The following APBB2 variants were observed in gnomAD, a reference collection of about 807,000 sequenced individuals.
APBB2 encodes amyloid beta precursor protein binding family B member 2.
Under a neutral mutation model 82.5 loss-of-function variants are expected in APBB2, and 38 were observed. That is an observed-to-expected ratio of 0.46 (90% CI 0.36 to 0.60). The LOEUF (loss-of-function observed/expected upper bound fraction) is 0.60. Among genes scored for constraint, APBB2 ranks in the 20% least tolerant of loss-of-function variants. APBB2 has a pLI of 0.00. For synonymous variants in APBB2, 341 were observed against 368.2 expected (o/e 0.93, Z 0.85); for missense variants, 772 against 972.3 (o/e 0.79, Z 2.74).
chr4:41,071,046 C>G (rs1478919733), intron 3 of APBB2, among the ~76,000 whole-genome samples: 1 of 152,210 alleles, frequency 6.6e-6, no homozygotes. Flanking sequence ...TCCTCTCCTA[C>G]AAGTTCTTAC....
chr4:40,934,417 A>C, intron 10 of APBB2, 39 bp downstream of exon 10: 2 of 1,586,644 alleles, frequency 1.3e-6, no homozygotes, highest in Non-Finnish European at 1.7e-6. Flanking sequence ...TTTGGATCTA[A>C]GAATATAACC....
chr4:41,019,538 G>A (rs1810906913), intron 5 of APBB2, among the ~76,000 whole-genome samples: 1 of 152,150 alleles, frequency 6.6e-6, no homozygotes, highest in African/African-American at 2.4e-5. Context: ...GGTGTAGAAG[G>A]AAACTTAAAA....
chr4:41,065,260 G>A (rs917307326), intron 4 of APBB2, among the ~76,000 whole-genome samples: 1 of 152,120 alleles, frequency 6.6e-6, no homozygotes, highest in Non-Finnish European at 1.5e-5. Context: ...ACCCCAGCCT[G>A]GGCAACAGAG....
chr4:40,952,205 A>G (rs958471874), intron 6 of APBB2, among the ~76,000 whole-genome samples: 10 of 142,682 alleles, frequency 7.0e-5, no homozygotes, highest in South Asian at 6.7e-4. Flanking sequence ...AAAAAAAAAA[A>G]AGGACAAAAG....
chr4:40,938,571 A>G (rs1202713247), intron 7 of APBB2, among the ~76,000 whole-genome samples: 1 of 152,332 alleles, frequency 6.6e-6, no homozygotes, highest in African/African-American at 2.4e-5. Flanking sequence ...TTCTTTGACA[A>G]TATCAACAGA....
At chr4:41,198,071 T>C in intron 1 of APBB2, among the ~76,000 whole-genome samples, 3 of 152,054 alleles carry the variant, frequency 2.0e-5, no homozygotes, top group African/African-American at 4.8e-5. Flanking sequence ...GATGTGGAGG[T>C]AGAGAAATAA....
At chr4:41,124,501 C>T (rs1469145727) in intron 2 of APBB2, among the ~76,000 whole-genome samples, 3 of 152,222 alleles carry the variant, frequency 2.0e-5, no homozygotes, top group Admixed American at 6.5e-5. Flanking sequence ...TGAGCCACCG[C>T]GCCTGGCCTC....
intron 1 of APBB2, among the ~76,000 whole-genome samples, chr4:41,207,203 A>C: frequency 6.8e-6 from 1 of 146,974 alleles, no homozygotes; most frequent in Non-Finnish European, 1.5e-5. Context: ...CGTCTCAAAA[A>C]AAAAAAAAAA....
chr4:41,048,638 TCCCTCC>T (rs1409545949), intron 4 of APBB2, among the ~76,000 whole-genome samples: 2 of 144,690 alleles, frequency 1.4e-5, no homozygotes, highest in Non-Finnish European at 3.0e-5. Flanking sequence ...CCTCTCCCTA[TCCCTCC>T]CCCTCCCCCT....
chr4:40,826,033 G>A lies in APBB2; in HGVS notation c.1733-63C>T, dbSNP rs1027289259. On this transcript the variant is annotated intron_variant, in intron 14 of 17. Coordinates refer to ENST00000508593, the MANE Select transcript of APBB2 (RefSeq NM_004307.2). This position sits in a 1 kb window ranked among gnomAD's most constrained non-coding sequence, Gnocchi z 4.5. ...TCCAACACACATGTACACAACAGCC[G>A]TGGCTCTGCATCATCTGAATGCTCA... 2.6e-5 allele frequency: 33 copies of A among 1,293,550 alleles called. No homozygotes were observed. The highest frequency in any genetic ancestry group is 1.6e-4 in the East Asian group (7 of 43,284). The allele number at this position is 1,293,550 out of a possible 1,614,324, so 80.1% of individuals were successfully genotyped here.
At chr4:40,894,234 G>A (rs1164938279) in intron 10 of APBB2, among the ~76,000 whole-genome samples, 1 of 150,004 alleles carries the variant, frequency 6.7e-6, no homozygotes, top group Non-Finnish European at 1.5e-5. Context: ...CTTGCAGTGA[G>A]CCGAGATCGC....
intron 7 of APBB2, among the ~76,000 whole-genome samples, chr4:40,939,633 T>C (rs1191595797): frequency 6.6e-6 from 1 of 151,886 alleles, no homozygotes; most frequent in Non-Finnish European, 1.5e-5. Flanking sequence ...AGGGCCTTGC[T>C]CTGTCACCAA....
chr4:41,053,143 A>G (rs936229698), intron 4 of APBB2, among the ~76,000 whole-genome samples: 1 of 152,220 alleles, frequency 6.6e-6, no homozygotes, highest in African/African-American at 2.4e-5. Flanking sequence ...AACTGAAAGC[A>G]TTCCAGGTCT....
chr4:41,128,850 T>C (rs1253395560), intron 2 of APBB2, among the ~76,000 whole-genome samples: 2 of 152,228 alleles, frequency 1.3e-5, no homozygotes, highest in Non-Finnish European at 2.9e-5. Flanking sequence ...GGCTATTATA[T>C]ATTTTTAATT....
At chr4:40,851,292 A>T (rs11735806) in intron 12 of APBB2, among the ~76,000 whole-genome samples, 11,015 of 152,086 alleles carry the variant, frequency 0.072, 506 homozygotes, top group Non-Finnish European at 0.098. Context: ...GAACCAAACA[A>T]CCTTTTGCTC....
chr4:41,169,822 AG>A (rs886933272), intron 1 of APBB2, among the ~76,000 whole-genome samples: 2 of 150,300 alleles, frequency 1.3e-5, no homozygotes, highest in Middle Eastern at 3.2e-3. Context: ...AAAAACGAAT[AG>A]GGGGGGAAAA....
intron 5 of APBB2, among the ~76,000 whole-genome samples, chr4:41,019,477 T>C (rs562417972): frequency 1.3e-5 from 2 of 152,090 alleles, no homozygotes; most frequent in South Asian, 2.1e-4. Flanking sequence ...GCAGCCTTAA[T>C]TTTCTCTATG....
chr4:40,822,102 A>G, intron 16 of APBB2, 52 bp from the exon 17 acceptor site: 1 of 1,598,146 alleles, frequency 6.3e-7, no homozygotes, highest in East Asian at 2.2e-5. Context: ...GATCAAGCTT[A>G]AGAGTGGCAG....
chr4:41,102,058 TTAAG>T (rs1745653633), intron 2 of APBB2, among the ~76,000 whole-genome samples: 1 of 152,052 alleles, frequency 6.6e-6, no homozygotes, highest in Non-Finnish European at 1.5e-5. Context: ...ATAAAATAGT[TTAAG>T]TAGGCAAAAC....
Sources: allele counts gnomAD v4.1 joint callset (sites outside exome capture counted in the v4.1 genomes callset), GRCh38; gene constraint gnomAD v4.1.1; non-coding constraint Gnocchi (gnomAD v3.1); transcripts MANE v1.5; gene names NCBI Gene and HGNC (gene_info 2026-07-23, HGNC 2026-07-21).